DDX60L: variants seen among roughly 807,000 people sequenced by gnomAD.
The protein encoded by DDX60L is DExD/H-box 60 like.
A neutral mutation model predicts 211.6 loss-of-function variants in DDX60L; 191 were observed. That is an observed-to-expected ratio of 0.90 (90% CI 0.80 to 1.02). The LOEUF (loss-of-function observed/expected upper bound fraction) is 1.02, where lower values mean the gene tolerates loss of function less well. Among genes scored for constraint, DDX60L ranks in the 50% least tolerant of loss-of-function variants. The pLI, the probability that DDX60L is intolerant of heterozygous loss-of-function variation, is 0.00. For synonymous variants in DDX60L, 706 were observed against 694.1 expected (o/e 1.02, Z -0.27); for missense variants, 2,007 against 1,984.1 (o/e 1.01, Z -0.22).
Position 168,422,487 on chromosome 4 carries a change from A to G in DDX60L, c.2244+37T>C. On this transcript the variant is annotated intron_variant, in intron 16 of 37. Transcript: ENST00000682922. ...CACAGTAATGAAAAGTTCTGAAGTCACACTGATTAGAAAAGTACAATGTTT... is the reference window on the plus strand; with the variant it reads ...CACAGTAATGAAAAGTTCTGAAGTCGCACTGATTAGAAAAGTACAATGTTT... The G allele has an allele frequency of 2.5e-6, 4 of 1,575,966 alleles. No homozygotes were observed. In the South Asian group the frequency reaches 3.6e-5, roughly 14 times the overall value.
chr4:168,453,840 A>T (rs941109860), intron 7 of DDX60L, among the ~76,000 whole-genome samples: 3 of 152,214 alleles, frequency 2.0e-5, no homozygotes, highest in Non-Finnish European at 2.9e-5. Flanking sequence ...CTGAAATTAC[A>T]AGGAGATTGA....
intron 22 of DDX60L, among the ~76,000 whole-genome samples, chr4:168,408,744 G>A (rs909883918): frequency 2.6e-5 from 4 of 152,198 alleles, no homozygotes; most frequent in Non-Finnish European, 5.9e-5. Context: ...TTTGGGCACT[G>A]AGCAGCTGTT....
In DDX60L at chr4:168,423,689, T is replaced by C; in HGVS notation, c.2016A>G (p.Glu672=). The change falls in exon 15 of 38, where the codon GAA becomes GAG. Residue 672 remains glutamate (E), a synonymous_variant. Transcript: ENST00000682922. ...TAGCTATATATTGATGATGTTCTGC[T>C]TCCAAAATTTCTGGGTATCTCTCCA... ...SLLERYPEIL[E]AEHHQYIAKC... 1 of 1,607,476 alleles carries C rather than the reference T, an allele frequency of 6.2e-7. No individual in the cohort carries two copies. Among genetic ancestry groups the C allele is most frequent in the African/African-American group, 1.3e-5 (1 of 74,828 alleles).
rs1352465264 is a variant in DDX60L, at chr4:168,415,774, A to G, written c.2752T>C (p.Trp918Arg). 6.3e-7 allele frequency: 1 copy of G among 1,574,964 alleles called. No homozygotes were observed. Among genetic ancestry groups the G allele is most frequent in the African/African-American group, 1.4e-5 (1 of 74,034 alleles). The change falls in exon 21 of 38, where the codon TGG (tryptophan) becomes CGG (arginine). Residue 918 changes from tryptophan to arginine, a missense_variant. By Grantham distance (101) the Trp-to-Arg change is moderately radical (BLOSUM62 -3). Transcript: ENST00000682922. Reference sequence around the variant, plus strand: ...TCCATAATCTTGTCTGCCTGTTTCCAGTACTGTTTTACTGATTGCAGCCAC... The same window carrying G: ...TCCATAATCTTGTCTGCCTGTTTCCGGTACTGTTTTACTGATTGCAGCCAC... ...TKWLQSVKQY[W>R]KQADKIMEEK...
In DDX60L at chr4:168,448,748, T is replaced by C. The variant is rs747929369; in HGVS notation, c.1028A>G (p.Asn343Ser). ...ATTCCAGCATCCAAAAACGTTTAAG[T>C]TGCTTAAAATGAAATATTCACACCA... ...NKWCEYFILSNLNVFGCWNLN... is the reference protein window; with the variant it reads ...NKWCEYFILSSLNVFGCWNLN... Residue 343 changes from asparagine to serine, a missense_variant, in exon 9 of 38, where the codon AAC becomes AGC. Transcript: ENST00000682922. 6.2e-7 allele frequency: 1 copy of C among 1,606,518 alleles called. No homozygotes were observed. Among genetic ancestry groups the C allele is most frequent in the Non-Finnish European group, 8.5e-7 (1 of 1,174,840 alleles).
intron 14 of DDX60L, 67 bp from the exon 15 acceptor site, chr4:168,423,841 A>G (rs571864965): frequency 2.9e-6 from 3 of 1,039,068 alleles, no homozygotes; most frequent in Non-Finnish European, 4.1e-6. Flanking sequence ...ACTTACGACA[A>G]TCATTGAGTT....
chr4:168,444,538 T>G (rs1754449720), intron 9 of DDX60L, among the ~76,000 whole-genome samples: 1 of 112,662 alleles, frequency 8.9e-6, no homozygotes, highest in Non-Finnish European at 1.8e-5. Context: ...CTAATAGACA[T>G]CTACAGAACT....
chr4:168,440,970 G>A (rs1021914797), intron 10 of DDX60L, among the ~76,000 whole-genome samples: 6 of 152,094 alleles, frequency 3.9e-5, no homozygotes, highest in Non-Finnish European at 8.8e-5. Flanking sequence ...CCATCCCAAT[G>A]AAGTTCAAAG....
In DDX60L at chr4:168,415,816, GCATAT is replaced by G. The variant is rs1749463288; in HGVS notation, c.2727-22_2727-18del. The G allele has an allele frequency of 6.7e-7, 1 of 1,482,372 alleles. No homozygotes were observed. Among genetic ancestry groups the G allele is most frequent in the Non-Finnish European group, 9.0e-7 (1 of 1,115,388 alleles). 91.8% of individuals were successfully genotyped at this position (1,482,372 alleles called of 1,614,324 possible). On this transcript the variant is annotated intron_variant, in intron 20 of 37. Coordinates refer to ENST00000682922, the MANE Select transcript of DDX60L (RefSeq NM_001012967.3). Reference sequence around the variant, plus strand: ...TGCAGCCACCTTACAGAATAAACATGCATATAATTTAAATAAAATATAGAAGTATT... The same window carrying G: ...TGCAGCCACCTTACAGAATAAACATGAATTTAAATAAAATATAGAAGTATT...
At chr4:168,469,406 A>G (rs1758438408) in intron 4 of DDX60L, 1 of 152,238 alleles carries the variant, frequency 6.6e-6, no homozygotes, top group Admixed American at 6.5e-5. Flanking sequence ...ATCATAGACC[A>G]AAATGCAAAA....
At position 168,406,692 on chromosome 4, in the gene DDX60L, T is replaced by A; in HGVS notation, c.2994A>T (p.Gly998=). 1.3e-6 allele frequency: 2 copies of A among 1,594,634 alleles called. No individual in the cohort carries two copies. The highest frequency in any genetic ancestry group is 1.7e-6 in the Non-Finnish European group (2 of 1,172,092). The change falls in exon 23 of 38, where the codon GGA becomes GGT. Residue 998 remains glycine (G), a synonymous_variant. Coordinates refer to ENST00000682922, the MANE Select transcript of DDX60L (RefSeq NM_001012967.3). ...ALTTDIIEKY[G]FPPDLTLTPQ... ...GGGTGAGGGTAAGATCAGGTGGGAA[T>A]CCATACTTTTCAATCTGTGAATAAA...
At position 168,426,988 on chromosome 4, in the gene DDX60L, A is replaced by C; in HGVS notation, c.1930+82T>G. 1.4e-6 allele frequency: 2 copies of C among 1,384,540 alleles called. 1 individual carries two copies. The highest frequency in any genetic ancestry group is 3.0e-5 in the South Asian group (2 of 67,052). 85.8% of individuals were successfully genotyped at this position (1,384,540 alleles called of 1,614,324 possible). On this transcript the variant is annotated intron_variant, in intron 14 of 37. Transcript: ENST00000682922. ...ACAATGGATTATACAAAGTTTTAGC[A>C]CAACCATGCATTCAGTAAATATGTT...
intron 4 of DDX60L, among the ~76,000 whole-genome samples, chr4:168,466,756 G>A (rs1758043337): frequency 6.6e-6 from 1 of 152,114 alleles, no homozygotes; most frequent in Non-Finnish European, 1.5e-5. Context: ...TTAAAAACTG[G>A]TTTAGAGTAT....
intron 4 of DDX60L, among the ~76,000 whole-genome samples, chr4:168,466,153 T>G (rs531402677): frequency 1.2e-4 from 18 of 151,458 alleles, no homozygotes; most frequent in Non-Finnish European, 2.5e-4. Context: ...ATGAAGTTAG[T>G]GGAAAAAAGA....
In DDX60L at chr4:168,384,593, G is replaced by A; in HGVS notation, c.4116+19C>T. Reference sequence around the variant, plus strand: ...GCCAGTGATGAAGACTGAACCTCAGGCAGTGTCCAGCACGGTACCTTTGCC... The same window carrying A: ...GCCAGTGATGAAGACTGAACCTCAGACAGTGTCCAGCACGGTACCTTTGCC... On this transcript the variant is annotated intron_variant, in intron 30 of 37. Coordinates refer to ENST00000682922, the MANE Select transcript of DDX60L (RefSeq NM_001012967.3). The A allele has an allele frequency of 1.2e-6, 2 of 1,613,282 alleles. No homozygotes were observed. Among genetic ancestry groups the A allele is most frequent in the South Asian group, 2.2e-5 (2 of 91,020 alleles).
chr4:168,390,552 G>A, intron 29 of DDX60L: 1 of 1,280,308 alleles, frequency 7.8e-7, no homozygotes, highest in South Asian at 1.8e-5. Flanking sequence ...TAAGAAAAGA[G>A]GAAAATTTCA....
chr4:168,472,446 A>G lies in DDX60L; in HGVS notation c.74+9T>C, dbSNP rs1363956355. 2.6e-6 allele frequency: 4 copies of G among 1,551,558 alleles called. No individual in the cohort carries two copies. Among genetic ancestry groups the G allele is most frequent in the Non-Finnish European group, 3.5e-6 (4 of 1,144,262 alleles). ...TATAGCTCCTTCTTTTTTACTTCAC[A>G]GTACTTACCCAGCTTTTGGCATTTC... On this transcript the variant is annotated intron_variant, in intron 3 of 37. Transcript: ENST00000682922.
At chr4:168,455,973 A>C (rs1427501698) in intron 7 of DDX60L, 66 bp downstream of exon 7, 1 of 1,078,280 alleles carries the variant, frequency 9.3e-7, no homozygotes, top group African/African-American at 1.6e-5. Context: ...GCCACCAGTG[A>C]AGTTATACCA....
intron 10 of DDX60L, among the ~76,000 whole-genome samples, chr4:168,434,794 C>G (rs977669693): frequency 6.6e-6 from 1 of 152,170 alleles, no homozygotes; most frequent in Non-Finnish European, 1.5e-5. Flanking sequence ...GGTAAGTGAA[C>G]AGATGCCTAA....
Sources: allele counts gnomAD v4.1 joint callset (sites outside exome capture counted in the v4.1 genomes callset), GRCh38; gene constraint gnomAD v4.1.1; transcripts MANE v1.5; gene names NCBI Gene and HGNC (gene_info 2026-07-23, HGNC 2026-07-21).